DLG2: variants seen among roughly 807,000 people sequenced by gnomAD.
DLG2 encodes the protein disks large homolog 2.
Under a neutral mutation model 132.5 loss-of-function variants are expected in DLG2, and 45 were observed. That is an observed-to-expected ratio of 0.34 (90% CI 0.27 to 0.44). DLG2 has a LOEUF of 0.44. DLG2 is among the 20% of genes least tolerant of loss of function. The probability of loss-of-function intolerance (pLI) is 1.00; values close to 1 mark genes in which losing one functional copy is unlikely to be tolerated. For synonymous variants in DLG2, 424 were observed against 419.6 expected (o/e 1.01, Z -0.13); for missense variants, 1,045 against 1,196.9 (o/e 0.87, Z 1.87).
chr11:85,527,321 T>A (rs1209512714), intron 3 of DLG2, among the ~76,000 whole-genome samples: 4 of 152,058 alleles, frequency 2.6e-5, no homozygotes, highest in African/African-American at 9.7e-5. Flanking sequence ...GCATTAGGTC[T>A]TTGTCCTAAT....
Position 83,457,454 on chromosome 11 carries a change from G to A in DLG2, c.*2364C>T, listed in dbSNP as rs1246323005. On this transcript the variant is annotated 3_prime_UTR_variant, in exon 28 of 28. Transcript: ENST00000376104. The stretch of plus-strand genomic sequence containing the variant: ...TATAAATCTACATAAAAAAATCAGT[G>A]CAAATGCCAATTCTAATCTGAAAGC... 1.3e-5 allele frequency: 2 copies of A among 151,408 alleles called. No individual in the cohort carries two copies. The highest frequency in any genetic ancestry group is 3.0e-5 in the Non-Finnish European group (2 of 67,698). 9.4% of individuals were successfully genotyped at this position (151,408 alleles called of 1,614,324 possible).
At chr11:85,405,101 G>A (rs1001087925) in intron 3 of DLG2, among the ~76,000 whole-genome samples, 3 of 151,868 alleles carry the variant, frequency 2.0e-5, no homozygotes, top group Non-Finnish European at 2.9e-5. Flanking sequence ...CACTGAGCAG[G>A]CCCTGAATAC....
chr11:84,703,857 G>GATATATATATATATATAT lies in DLG2; in HGVS notation c.358-169144_358-169127dup, dbSNP rs5793132. On this transcript the variant is annotated intron_variant, in intron 6 of 27. Transcript: ENST00000376104. The stretch of plus-strand genomic sequence containing the variant: ...AATAATGCTAAAACTATGTAGTGAA[G>GATATATATATATATATAT]ATATATATATATATATATATATATA... Among the ~76,000 whole-genome samples the GATATATATATATATATAT allele has an allele frequency of 5.4e-3, 552 of 102,558 alleles. 8 individuals carry two copies. Among genetic ancestry groups the GATATATATATATATATAT allele is most frequent in the African/African-American group, 0.015 (366 of 24,210 alleles). The allele number at this position is 102,558 out of a possible 152,430, so 67.3% of individuals were successfully genotyped here.
intron 3 of DLG2, among the ~76,000 whole-genome samples, chr11:85,531,311 T>G (rs1163600536): frequency 6.6e-6 from 1 of 152,202 alleles, no homozygotes; most frequent in Non-Finnish European, 1.5e-5. Flanking sequence ...CACCAGATGT[T>G]AGTACAGGAG....
At chr11:84,815,637 G>C (rs2077010456) in intron 6 of DLG2, among the ~76,000 whole-genome samples, 1 of 152,014 alleles carries the variant, frequency 6.6e-6, no homozygotes, top group Non-Finnish European at 1.5e-5. Flanking sequence ...CCTTCATTAA[G>C]AAGAAAATTA....
chr11:85,261,082 G>A (rs993500972), intron 4 of DLG2, among the ~76,000 whole-genome samples: 7 of 152,156 alleles, frequency 4.6e-5, no homozygotes, highest in African/African-American at 7.2e-5. Context: ...AAACAGTAGT[G>A]AGTTAAAGAA....
intron 10 of DLG2, among the ~76,000 whole-genome samples, chr11:84,088,125 T>A (rs12574659): frequency 6.6e-6 from 1 of 152,204 alleles, no homozygotes; most frequent in Non-Finnish European, 1.5e-5. Context: ...ACAAAGTTTT[T>A]AATTGACGAA....
intron 7 of DLG2, among the ~76,000 whole-genome samples, chr11:84,396,757 C>T (rs950027922): frequency 1.3e-5 from 2 of 152,172 alleles, no homozygotes; most frequent in East Asian, 1.9e-4. Context: ...AAATAGGCAT[C>T]GCATTCCAGT....
chr11:85,524,532 G>C (rs1008407999), intron 3 of DLG2, among the ~76,000 whole-genome samples: 1 of 152,024 alleles, frequency 6.6e-6, no homozygotes, highest in Non-Finnish European at 1.5e-5. Context: ...TTGCTTTGTT[G>C]ACCAGGGTGG....
intron 4 of DLG2, among the ~76,000 whole-genome samples, chr11:85,204,338 G>T (rs2081704256): frequency 6.6e-6 from 1 of 152,092 alleles, no homozygotes; most frequent in Non-Finnish European, 1.5e-5. Context: ...TGGTAAAGTT[G>T]CAGGATATAG....
chr11:83,895,070 T>G (rs2071199519), intron 15 of DLG2, among the ~76,000 whole-genome samples: 2 of 152,142 alleles, frequency 1.3e-5, no homozygotes, highest in South Asian at 4.1e-4. Context: ...ATAGGATCAT[T>G]TTAGGAATAA....
intron 3 of DLG2, among the ~76,000 whole-genome samples, chr11:85,377,333 C>A (rs1469402536): frequency 1.3e-5 from 2 of 152,148 alleles, no homozygotes; most frequent in Non-Finnish European, 2.9e-5. Context: ...CCTCAGTCAA[C>A]CTACCTGTGT....
intron 9 of DLG2, among the ~76,000 whole-genome samples, chr11:84,103,481 T>A (rs543262037): frequency 1.3e-5 from 2 of 152,128 alleles, no homozygotes; most frequent in East Asian, 3.9e-4. Context: ...CAATGGAAAC[T>A]TCAAGGTGCC....
In DLG2 at chr11:84,662,786, CAA is replaced by C. The variant is rs752017709; in HGVS notation, c.358-128057_358-128056del. On this transcript the variant is annotated intron_variant, in intron 6 of 27. Transcript: ENST00000376104. The stretch of plus-strand genomic sequence containing the variant: ...TGGTCAATAGAGCAAGACTCTGTCA[CAA>C]AAAAAAAAAAAAAAAAAAAGGCAGT... 2.9e-3 allele frequency among the ~76,000 whole-genome samples: 232 copies of C among 80,318 alleles called. 1 individual carries two copies. Among genetic ancestry groups the C allele is most frequent in the African/African-American group, 9.3e-3 (208 of 22,464 alleles). The allele number at this position is 80,318 out of a possible 152,430, so 52.7% of individuals were successfully genotyped here.
chr11:83,724,883 T>G, intron 18 of DLG2: 1 of 701,832 alleles, frequency 1.4e-6, no homozygotes, highest in Non-Finnish European at 2.6e-6. Flanking sequence ...TTTCCAGGGG[T>G]TTTCAGCATA....
At chr11:85,509,744 C>T (rs1480257257) in intron 3 of DLG2, among the ~76,000 whole-genome samples, 1 of 151,938 alleles carries the variant, frequency 6.6e-6, no homozygotes, top group Non-Finnish European at 1.5e-5. Flanking sequence ...AACGAAAATA[C>T]TGGGATAGAG....
At chr11:84,414,000 G>T (rs1427968014) in intron 7 of DLG2, among the ~76,000 whole-genome samples, 2 of 152,070 alleles carry the variant, frequency 1.3e-5, no homozygotes, top group African/African-American at 4.8e-5. Flanking sequence ...CAAAACCCAA[G>T]CCAATTCGAC....
intron 7 of DLG2, among the ~76,000 whole-genome samples, chr11:84,387,336 T>C (rs575584294): frequency 2.0e-5 from 3 of 152,276 alleles, no homozygotes; most frequent in South Asian, 2.1e-4. Flanking sequence ...TCTCCTGGAA[T>C]AGTTCTCATT....
At chr11:84,472,191 G>A (rs923223429) in intron 7 of DLG2, among the ~76,000 whole-genome samples, 1 of 151,748 alleles carries the variant, frequency 6.6e-6, no homozygotes, top group Non-Finnish European at 1.5e-5. Context: ...AAAAGCGATT[G>A]GATCTCAGTG....
Sources: gnomAD v4.1 joint callset for allele counts (sites outside exome capture counted in the v4.1 genomes callset) on GRCh38, gnomAD v4.1.1 for gene constraint, MANE v1.5 for transcripts, NCBI Gene and HGNC (gene_info 2026-07-23, HGNC 2026-07-21) for gene names.